THSD4: variants seen among roughly 807,000 people sequenced by gnomAD.
THSD4 encodes the protein thrombospondin type-1 domain-containing protein 4.
In THSD4, 69 loss-of-function variants were observed where a neutral mutation model predicts 119.0. That is an observed-to-expected ratio of 0.58 (90% CI 0.48 to 0.71). The LOEUF is 0.71. THSD4 is among the 30% of genes least tolerant of loss of function. THSD4 has a pLI of 0.00. For synonymous variants in THSD4, 524 were observed against 540.4 expected (o/e 0.97, Z 0.42); for missense variants, 1,393 against 1,391.1 (o/e 1.00, Z -0.02).
At chr15:71,518,207 C>A (rs1284412626) in intron 7 of THSD4, among the ~76,000 whole-genome samples, 1 of 152,080 alleles carries the variant, frequency 6.6e-6, no homozygotes, top group Non-Finnish European at 1.5e-5. Flanking sequence ...TTACCTCCCC[C>A]CACCTCCCCA....
At chr15:71,743,619 C>G (rs539540841) in intron 11 of THSD4, among the ~76,000 whole-genome samples, 5 of 152,160 alleles carry the variant, frequency 3.3e-5, no homozygotes, top group Non-Finnish European at 7.3e-5. Context: ...TTTACTCAGC[C>G]AATAATTGTG....
At chr15:71,400,865 GT>G (rs2046522316) in intron 6 of THSD4, among the ~76,000 whole-genome samples, 1 of 152,032 alleles carries the variant, frequency 6.6e-6, no homozygotes, top group Non-Finnish European at 1.5e-5. Flanking sequence ...AGCCTGGGAA[GT>G]GAGGACTTCA....
At chr15:71,115,271 C>T (rs1323971237), upstream of THSD4, 1 of 152,456 alleles carries the variant, frequency 6.6e-6, no homozygotes, top group East Asian at 1.9e-4. This position sits in a 1 kb window ranked among gnomAD's most constrained non-coding sequence, Gnocchi z 4.4. Context: ...AGACCGTACT[C>T]CCTCCTACTG....
intron 11 of THSD4, among the ~76,000 whole-genome samples, chr15:71,740,898 A>T (rs1190019006): frequency 6.6e-6 from 1 of 151,956 alleles, no homozygotes; most frequent in Non-Finnish European, 1.5e-5. Flanking sequence ...CATCCTTGGG[A>T]CCTCACAGCA....
chr15:71,380,637 C>T (rs1423327850), intron 6 of THSD4, among the ~76,000 whole-genome samples: 1 of 152,186 alleles, frequency 6.6e-6, no homozygotes, highest in South Asian at 2.1e-4. Flanking sequence ...ATAGCTGAGT[C>T]TAACTGATCA....
intron 6 of THSD4, among the ~76,000 whole-genome samples, chr15:71,374,525 G>A (rs1353844515): frequency 1.3e-5 from 2 of 152,216 alleles, no homozygotes; most frequent in East Asian, 3.9e-4. Context: ...AGAAAGTGGT[G>A]GTTCTAGGGG....
At chr15:71,722,923 T>C (rs1198943498) in intron 8 of THSD4, among the ~76,000 whole-genome samples, 2 of 152,218 alleles carry the variant, frequency 1.3e-5, no homozygotes, top group Non-Finnish European at 2.9e-5. Context: ...TGAATTTTTC[T>C]TTCATTCACA....
At chr15:71,172,292 T>TCATGTCA (rs2043374697) in intron 3 of THSD4, 1 of 151,940 alleles carries the variant, frequency 6.6e-6, no homozygotes, top group Non-Finnish European at 1.5e-5. Flanking sequence ...GCCACTGCAC[T>TCATGTCA]CCAGCCTGGG....
chr15:71,443,242 A>C lies in THSD4; in HGVS notation c.1152+31419A>C, dbSNP rs140967406. On this transcript the variant is annotated intron_variant, in intron 7 of 17. Coordinates refer to ENST00000261862, the MANE Select transcript of THSD4 (RefSeq NM_024817.3). ...AAATGTTAAGGATTTTTCTTTTTAC[A>C]TTCAAAGCATTCCTTTTTAGGGAGA... 1.1e-3 allele frequency among the ~76,000 whole-genome samples: 171 copies of C among 152,254 alleles called. 2 individuals are homozygous for C. Among genetic ancestry groups the C allele is most frequent in the African/African-American group, 3.7e-3 (153 of 41,546 alleles).
At chr15:71,147,274 A>G (rs2040671890) in intron 2 of THSD4, among the ~76,000 whole-genome samples, 2 of 152,144 alleles carry the variant, frequency 1.3e-5, no homozygotes, top group Non-Finnish European at 2.9e-5. Flanking sequence ...GCACAGTCAT[A>G]GCTCACTGCC....
chr15:71,506,071 C>A (rs1372604484), intron 7 of THSD4, among the ~76,000 whole-genome samples: 5 of 152,118 alleles, frequency 3.3e-5, no homozygotes, highest in African/African-American at 1.2e-4. Flanking sequence ...TGTTTTCTTT[C>A]AAAAAGAATT....
chr15:71,440,256 A>C (rs1434273184), intron 7 of THSD4, among the ~76,000 whole-genome samples: 1 of 152,144 alleles, frequency 6.6e-6, no homozygotes, highest in East Asian at 1.9e-4. Context: ...CTGCTTAACA[A>C]AACCTCAATA....
chr15:71,357,458 C>T (rs1038371498), intron 6 of THSD4, among the ~76,000 whole-genome samples: 1 of 152,214 alleles, frequency 6.6e-6, no homozygotes, highest in Non-Finnish European at 1.5e-5. Flanking sequence ...GTGGGACTCC[C>T]TGCAGACTGG....
At chr15:71,299,980 T>TAC (rs2044925862) in intron 6 of THSD4, among the ~76,000 whole-genome samples, 2 of 84,886 alleles carry the variant, frequency 2.4e-5, no homozygotes, top group African/African-American at 4.1e-5. Context: ...AAAAAAAATA[T>TAC]ATATATATAT....
At chr15:71,146,273 C>T (rs2040659835) in intron 2 of THSD4, among the ~76,000 whole-genome samples, 1 of 152,200 alleles carries the variant, frequency 6.6e-6, no homozygotes, top group Non-Finnish European at 1.5e-5. Context: ...CTTTCTTGCA[C>T]AAACCACACC....
intron 5 of THSD4, among the ~76,000 whole-genome samples, chr15:71,251,456 A>G (rs997509605): frequency 9.9e-5 from 15 of 152,214 alleles, no homozygotes; most frequent in African/African-American, 3.6e-4. Flanking sequence ...TTGTTATTCA[A>G]TTGTGGTAGT....
intron 3 of THSD4, among the ~76,000 whole-genome samples, chr15:71,159,426 A>G (rs1326699259): frequency 6.6e-6 from 1 of 152,146 alleles, no homozygotes; most frequent in Non-Finnish European, 1.5e-5. Context: ...TTTTAACAAC[A>G]TTAATTCCTC....
chr15:71,598,730 G>A (rs919879831), intron 7 of THSD4, among the ~76,000 whole-genome samples: 14 of 152,004 alleles, frequency 9.2e-5, no homozygotes, highest in African/African-American at 2.7e-4. Context: ...TGATCCTCCT[G>A]CCACAGCCTC....
intron 7 of THSD4, chr15:71,547,173 C>T: frequency 7.6e-7 from 1 of 1,314,758 alleles, no homozygotes; most frequent in South Asian, 2.1e-5. Flanking sequence ...CCAGCTGGCT[C>T]CTGTCCCCTC....
Sources: gnomAD v4.1 joint callset for allele counts (sites outside exome capture counted in the v4.1 genomes callset) on GRCh38, gnomAD v4.1.1 for gene constraint, Gnocchi (gnomAD v3.1) non-coding constraint, MANE v1.5 for transcripts, NCBI Gene and HGNC (gene_info 2026-07-23, HGNC 2026-07-21) for gene names.